SP4: variants seen among roughly 807,000 people sequenced by gnomAD.
The protein encoded by SP4 is transcription factor Sp4.
SP4 carries 19 observed loss-of-function variants against 72.8 expected under a neutral mutation model. The ratio of observed to expected loss-of-function variants is 0.26; its 90% confidence interval spans 0.18 to 0.38. The LOEUF is 0.38. Among genes scored for constraint, SP4 ranks in the 10% least tolerant of loss-of-function variants. SP4 has a pLI of 1.00. For missense variants in SP4, 1,008 were observed against 926.3 expected (o/e 1.09, Z -1.14); for synonymous variants, 395 against 333.1 (o/e 1.19, Z -2.02).
chr7:21,429,160 T>C, intron 2 of SP4, 129 bp from the exon 3 acceptor site: 1 of 603,462 alleles, frequency 1.7e-6, no homozygotes, highest in Non-Finnish European at 2.9e-6. Flanking sequence ...TTCTTTTTGA[T>C]TTCTGCTGCT....
intron 3 of SP4, among the ~76,000 whole-genome samples, chr7:21,456,006 C>T (rs890686970): frequency 3.3e-5 from 5 of 152,076 alleles, no homozygotes; most frequent in African/African-American, 7.2e-5. Context: ...GGAAGTAATT[C>T]GTGAAATGGA....
In SP4 at chr7:21,430,383, G is replaced by T. The variant is rs1562580517; in HGVS notation, c.1218G>T (p.Gln406His). 6.2e-7 allele frequency: 1 copy of T among 1,614,176 alleles called. No homozygotes were observed. The highest frequency in any genetic ancestry group is 8.5e-7 in the Non-Finnish European group (1 of 1,180,026). ...TTGTAGGCCAACCTATCTTACAGCA[G>T]ATCCAGATCCAACAGCCTCAGCAAC... ...VQIVGQPILQ[Q>H]IQIQQPQQQI... is the part of the protein sequence containing the mutation. Residue 406 changes from glutamine (Q) to histidine (H), a missense_variant, in exon 3 of 6, where the codon CAG becomes CAT. By Grantham distance (24) the Gln-to-His change is conservative. Transcript: ENST00000222584.
intron 5 of SP4, among the ~76,000 whole-genome samples, chr7:21,495,907 AC>A (rs1781693381): frequency 6.6e-6 from 1 of 152,124 alleles, no homozygotes; most frequent in Non-Finnish European, 1.5e-5. Context: ...TTGGAGTACT[AC>A]TCCCCAACAT....
intron 5 of SP4, among the ~76,000 whole-genome samples, chr7:21,503,229 A>G (rs1218793124): frequency 6.6e-6 from 1 of 152,078 alleles, no homozygotes; most frequent in Non-Finnish European, 1.5e-5. Flanking sequence ...GGTGGAGTAT[A>G]TGGCCACTAT....
rs113336474 is a variant in SP4, at chr7:21,428,919, G to A, written c.123+127G>A. Reference sequence around the variant, plus strand: ...ACTCAAAGCATCTTTCTGAGAGTGTGGAACTTAAATTGTAAATTCATCAAG... The same window carrying A: ...ACTCAAAGCATCTTTCTGAGAGTGTAGAACTTAAATTGTAAATTCATCAAG... On this transcript the variant is annotated intron_variant, in intron 2 of 5. Transcript: ENST00000222584. The A allele has an allele frequency of 1.8e-5, 14 of 772,242 alleles. No individual in the cohort carries two copies. The African/African-American group carries it at 2.5e-4, about 14-fold the overall frequency. The allele number at this position is 772,242 out of a possible 1,614,324, so 47.8% of individuals were successfully genotyped here.
chr7:21,493,141 G>A (rs1013902315), intron 5 of SP4, among the ~76,000 whole-genome samples: 5 of 151,870 alleles, frequency 3.3e-5, no homozygotes, highest in Admixed American at 1.3e-4. Flanking sequence ...TGGAGGTTGC[G>A]GTGAGCTGAG....
intron 5 of SP4, among the ~76,000 whole-genome samples, chr7:21,502,615 C>T (rs551389933): frequency 2.0e-5 from 3 of 152,250 alleles, no homozygotes; most frequent in East Asian, 3.9e-4. Flanking sequence ...TTGTTGAGGG[C>T]TTGTACCAAA....
At chr7:21,464,581 ATTT>A (rs11299447) in intron 3 of SP4, among the ~76,000 whole-genome samples, 11 of 142,350 alleles carry the variant, frequency 7.7e-5, no homozygotes, top group African/African-American at 7.8e-5. Flanking sequence ...TCTATTTTCT[ATTT>A]TTTTTTTTTT....
chr7:21,507,757 G>C, intron 5 of SP4, among the ~76,000 whole-genome samples: 1 of 152,048 alleles, frequency 6.6e-6, no homozygotes, highest in Non-Finnish European at 1.5e-5. Flanking sequence ...TAGAATTTCT[G>C]TTTCCCATTT....
At chr7:21,460,526 A>G (rs1783926838) in intron 3 of SP4, among the ~76,000 whole-genome samples, 1 of 152,276 alleles carries the variant, frequency 6.6e-6, no homozygotes, top group African/African-American at 2.4e-5. Context: ...CAAAAGAACA[A>G]AGCTTCCACA....
intron 5 of SP4, among the ~76,000 whole-genome samples, chr7:21,500,643 A>G (rs1781840387): frequency 6.6e-6 from 1 of 152,060 alleles, no homozygotes; most frequent in African/African-American, 2.4e-5. Context: ...TCCAGTGTTT[A>G]CACTTGGAGG....
Position 21,430,553 on chromosome 7 carries a change from C to T in SP4, c.1388C>T (p.Pro463Leu). ...QVLIRAPTLT[P>L]SGQISWQTVQ... ...CTTATCAGGGCTCCAACTTTAACAC[C>T]TTCAGGGCAAATCAGTTGGCAAACT... Residue 463 changes from proline to leucine, a missense_variant, in exon 3 of 6, where the codon CCT becomes CTT. By Grantham distance (98) the Pro-to-Leu change is moderately conservative (BLOSUM62 -3). Transcript: ENST00000222584. The T allele has an allele frequency of 6.2e-7, 1 of 1,614,202 alleles. No individual in the cohort carries two copies. The highest frequency in any genetic ancestry group is 8.5e-7 in the Non-Finnish European group (1 of 1,180,032).
intron 5 of SP4, among the ~76,000 whole-genome samples, chr7:21,483,910 T>C (rs575679567): frequency 2.2e-4 from 33 of 151,992 alleles, no homozygotes; most frequent in African/African-American, 7.9e-4. Context: ...TACTTTATAC[T>C]TTAAACCTGT....
chr7:21,428,303 T>TCTCCCTCC, intron 1 of SP4, 45 bp downstream of exon 1: 1 of 1,056,164 alleles, frequency 9.5e-7, no homozygotes, highest in Non-Finnish European at 1.4e-6. Context: ...CGCCTCCCTC[T>TCTCCCTCC]CTCCCTCCCT....
At chr7:21,491,543 G>A (rs28541530) in intron 5 of SP4, among the ~76,000 whole-genome samples, 114,850 of 152,044 alleles carry the variant, frequency 0.76, 44,088 homozygotes, top group African/African-American at 0.9. Context: ...GGTATAATAG[G>A]TTCAGGAAGT....
In SP4 at chr7:21,512,078, T is replaced by C. The variant is rs1782160280; in HGVS notation, c.*809T>C. ...AACATGCAATGTTCTAAAGTTAGGA[T>C]TGATTATATTCCTAACCCTAGGTTG... On this transcript the variant is annotated 3_prime_UTR_variant, in exon 6 of 6. Transcript: ENST00000222584. The C allele has an allele frequency of 2.0e-5, 3 of 152,644 alleles. No individual in the cohort carries two copies. The South Asian group carries it at 6.2e-4, about 32-fold the overall frequency. The allele number at this position is 152,644 out of a possible 1,614,324, so 9.5% of individuals were successfully genotyped here. A position where few individuals can be genotyped will look rare whatever the true frequency, so the allele number is the denominator to read the frequency against.
chr7:21,454,426 C>T (rs1783698692), intron 3 of SP4, among the ~76,000 whole-genome samples: 1 of 151,424 alleles, frequency 6.6e-6, no homozygotes. Flanking sequence ...CTTGAACATC[C>T]CTCTTTTTAT....
chr7:21,450,269 T>C lies in SP4; in HGVS notation c.1678+19426T>C, dbSNP rs188711490. ...AGTCATATTGTGAACAGAGCCAACA[T>C]GAGAAATTGCTGACTAGGGATATCA... On this transcript the variant is annotated intron_variant, in intron 3 of 5. Transcript: ENST00000222584. 1.4e-4 allele frequency among the ~76,000 whole-genome samples: 22 copies of C among 152,302 alleles called. No homozygotes were observed. The East Asian group carries it at 4.2e-3, about 29-fold the overall frequency.
In SP4 at chr7:21,430,524, G is replaced by A; in HGVS notation, c.1359G>A (p.Gln453=). ...AACTTCAAGCAGTAAATCCGACTCA[G>A]GTGCTTATCAGGGCTCCAACTTTAA... The part of the protein sequence containing the change: ...NVQLQAVNPT[Q]VLIRAPTLTP... Residue 453 remains glutamine (Q), a synonymous_variant, in exon 3 of 6, where the codon CAG becomes CAA. Transcript: ENST00000222584. 6.2e-7 allele frequency: 1 copy of A among 1,614,232 alleles called. No individual in the cohort carries two copies. Among genetic ancestry groups the A allele is most frequent in the Non-Finnish European group, 8.5e-7 (1 of 1,180,048 alleles).
Sources: gnomAD v4.1 joint callset for allele counts (sites outside exome capture counted in the v4.1 genomes callset) on GRCh38, gnomAD v4.1.1 for gene constraint, MANE v1.5 for transcripts, NCBI Gene and HGNC (gene_info 2026-07-23, HGNC 2026-07-21) for gene names.